Variants in PRKG1 observed in about 807,000 individuals in gnomAD.
PRKG1 encodes the protein cGMP-dependent protein kinase 1.
A neutral mutation model predicts 88.1 loss-of-function variants in PRKG1; 35 were observed. The observed-to-expected ratio is 0.40, with a 90% confidence interval of 0.30 to 0.53. The LOEUF is 0.53. Among genes scored for constraint, PRKG1 ranks in the 20% least tolerant of loss-of-function variants. PRKG1 has a pLI of 0.59. For synonymous variants in PRKG1, 303 were observed against 292.5 expected (o/e 1.04, Z -0.37); for missense variants, 540 against 839.8 (o/e 0.64, Z 4.41).
intron 5 of PRKG1, among the ~76,000 whole-genome samples, chr10:52,043,479 A>G (rs982278710): frequency 1.3e-5 from 2 of 152,120 alleles, no homozygotes; most frequent in Admixed American, 6.6e-5. Flanking sequence ...TACATACTGC[A>G]TGATCTCACT....
At chr10:51,133,286 C>G (rs1329776812) in intron 1 of PRKG1, among the ~76,000 whole-genome samples, 1 of 152,202 alleles carries the variant, frequency 6.6e-6, no homozygotes, top group Non-Finnish European at 1.5e-5. Flanking sequence ...CAGGAATCTT[C>G]TTATACCACA....
At chr10:51,013,386 C>A (rs1843017216) in intron 1 of PRKG1, among the ~76,000 whole-genome samples, 1 of 152,074 alleles carries the variant, frequency 6.6e-6, no homozygotes, top group African/African-American at 2.4e-5. Context: ...CAGTTTCGAC[C>A]ATTTAGTAAC....
At chr10:51,896,250 C>G (rs1841843671) in intron 4 of PRKG1, among the ~76,000 whole-genome samples, 1 of 152,100 alleles carries the variant, frequency 6.6e-6, no homozygotes, top group Non-Finnish European at 1.5e-5. Flanking sequence ...TAAATAATAA[C>G]AGCATTCAGA....
chr10:51,140,397 A>G (rs1374119425), intron 1 of PRKG1, among the ~76,000 whole-genome samples: 1 of 152,218 alleles, frequency 6.6e-6, no homozygotes, highest in Non-Finnish European at 1.5e-5. Context: ...ATGCTTGTTG[A>G]ATGAATAAAT....
intron 2 of PRKG1, among the ~76,000 whole-genome samples, chr10:51,273,925 A>G (rs1041796869): frequency 6.6e-5 from 10 of 152,232 alleles, no homozygotes; most frequent in East Asian, 1.9e-4. Flanking sequence ...GGTTAGATCT[A>G]CGTTAAATCC....
intron 2 of PRKG1, among the ~76,000 whole-genome samples, chr10:51,330,105 T>G (rs907951898): frequency 1.5e-5 from 2 of 130,422 alleles, no homozygotes; most frequent in African/African-American, 2.9e-5. Context: ...ACATTTGCTC[T>G]TTTATTTATT....
At chr10:51,463,268 T>A (rs907847308) in intron 2 of PRKG1, among the ~76,000 whole-genome samples, 7 of 152,200 alleles carry the variant, frequency 4.6e-5, no homozygotes, top group Non-Finnish European at 1.0e-4. Flanking sequence ...AAAATGCATT[T>A]CTAAAGTTAG....
intron 4 of PRKG1, among the ~76,000 whole-genome samples, 173 bp from the exon 5 acceptor site, chr10:51,907,334 T>C (rs905793961): frequency 1.3e-5 from 2 of 151,810 alleles, no homozygotes; most frequent in Non-Finnish European, 2.9e-5. Flanking sequence ...TTGATCTTCA[T>C]CTGCAACTTT....
intron 4 of PRKG1, among the ~76,000 whole-genome samples, chr10:51,844,383 G>T (rs984191703): frequency 6.6e-6 from 1 of 152,044 alleles, no homozygotes; most frequent in Non-Finnish European, 1.5e-5. Flanking sequence ...ATTAAGAGGA[G>T]AATGAAAATA....
At chr10:52,014,215 A>G (rs1245786937) in intron 5 of PRKG1, among the ~76,000 whole-genome samples, 1 of 152,196 alleles carries the variant, frequency 6.6e-6, no homozygotes, top group African/African-American at 2.4e-5. Context: ...TTATAAATAA[A>G]AGAGGTTTAA....
At chr10:51,312,035 C>A (rs1841201830) in intron 2 of PRKG1, among the ~76,000 whole-genome samples, 2 of 151,950 alleles carry the variant, frequency 1.3e-5, no homozygotes, top group African/African-American at 2.4e-5. Flanking sequence ...CCACACCCGG[C>A]TAATTTTGTA....
chr10:51,880,258 T>TTA (rs1841405107), intron 4 of PRKG1, among the ~76,000 whole-genome samples: 1 of 149,210 alleles, frequency 6.7e-6, no homozygotes, highest in South Asian at 2.1e-4. Flanking sequence ...AGAACTGAGC[T>TTA]AAAAAAAAAA....
chr10:52,032,630 C>A (rs1845500165), intron 5 of PRKG1, among the ~76,000 whole-genome samples: 2 of 152,012 alleles, frequency 1.3e-5, no homozygotes, highest in Admixed American at 1.3e-4. Flanking sequence ...TTTAATTAAT[C>A]ATTTGTATTT....
At chr10:51,997,121 G>A (rs1459921878) in intron 5 of PRKG1, among the ~76,000 whole-genome samples, 1 of 152,024 alleles carries the variant, frequency 6.6e-6, no homozygotes, top group Non-Finnish European at 1.5e-5. Context: ...TGGGATGCTT[G>A]GGGGGTAGAG....
chr10:52,086,912 T>C (rs1473901285), intron 7 of PRKG1, among the ~76,000 whole-genome samples: 1 of 152,140 alleles, frequency 6.6e-6, no homozygotes, highest in Non-Finnish European at 1.5e-5. Flanking sequence ...CTTTTTCACA[T>C]GGCAGCAGCA....
At position 51,458,679 on chromosome 10, in the gene PRKG1, T is replaced by C. The variant is rs570443861; in HGVS notation, c.479-9044T>C. ...TAAGAACTTTGTGTATTTTGTTTCCTTTTTCTGCCTAAGAGCCATGACAAA... is the reference window on the plus strand; with the variant it reads ...TAAGAACTTTGTGTATTTTGTTTCCCTTTTCTGCCTAAGAGCCATGACAAA... On this transcript the variant is annotated intron_variant, in intron 2 of 17. Coordinates refer to ENST00000373980, the MANE Select transcript of PRKG1 (RefSeq NM_006258.4). Among the ~76,000 whole-genome samples the C allele has an allele frequency of 1.1e-3, 165 of 152,268 alleles. 1 individual carries two copies. The highest frequency in any genetic ancestry group is 3.4e-3 in the African/African-American group (140 of 41,558).
chr10:51,184,926 G>A (rs1837446830), intron 2 of PRKG1, among the ~76,000 whole-genome samples: 1 of 152,086 alleles, frequency 6.6e-6, no homozygotes, highest in African/African-American at 2.4e-5. Flanking sequence ...GTGACAGCAG[G>A]TATACGAGAG....
chr10:52,041,337 T>C (rs1845751377), intron 5 of PRKG1, among the ~76,000 whole-genome samples: 1 of 152,208 alleles, frequency 6.6e-6, no homozygotes. Context: ...CACCTGATCA[T>C]GGTGAATTAT....
At chr10:51,919,364 T>C (rs1195414131) in intron 5 of PRKG1, among the ~76,000 whole-genome samples, 1 of 152,188 alleles carries the variant, frequency 6.6e-6, no homozygotes, top group African/African-American at 2.4e-5. Context: ...GTTTGCCTCA[T>C]GTTCTACGTG....
Sources: allele counts gnomAD v4.1 joint callset (sites outside exome capture counted in the v4.1 genomes callset), GRCh38; gene constraint gnomAD v4.1.1; transcripts MANE v1.5; gene names NCBI Gene and HGNC (gene_info 2026-07-23, HGNC 2026-07-21).